Variants in DMD observed in about 807,000 individuals in gnomAD.
DMD encodes mutant dystrophin.
A neutral mutation model predicts 330.1 loss-of-function variants in DMD; 63 were observed. That is an observed-to-expected ratio of 0.19 (90% CI 0.16 to 0.24). The LOEUF is 0.24. Among genes scored for constraint, DMD ranks in the 10% least tolerant of loss-of-function variants. The pLI, the probability that DMD is intolerant of heterozygous loss-of-function variation, is 1.00. For missense variants in DMD, 3,344 were observed against 2,684.1 expected, an observed-to-expected ratio of 1.25 and a Z score of -5.43; for synonymous variants, 1,223 against 959.8, an observed-to-expected ratio of 1.27 and a Z score of -5.07.
intron 1 of DMD, among the ~76,000 whole-genome samples, chrX:33,022,939 C>T (rs2093940523): frequency 9.0e-6 from 1 of 111,520 alleles, no homozygotes; most frequent in Non-Finnish European, 1.9e-5. Flanking sequence ...TGAATAGCGT[C>T]CTGGAATTTG....
chrX:32,149,405 A>G (rs758092892), intron 44 of DMD, among the ~76,000 whole-genome samples: 4 of 112,257 alleles, frequency 3.6e-5, no homozygotes, highest in South Asian at 7.4e-4. Flanking sequence ...CACTTGGCAT[A>G]TATCATTTCA....
At chrX:32,779,498 C>T (rs1173542960) in intron 7 of DMD, among the ~76,000 whole-genome samples, 2 of 109,966 alleles carry the variant, frequency 1.8e-5, no homozygotes, top group African/African-American at 6.7e-5. Context: ...TCTTTTGAAA[C>T]TAAATTATTT....
intron 67 of DMD, among the ~76,000 whole-genome samples, chrX:31,183,470 A>C (rs970183102): frequency 6.3e-5 from 7 of 110,948 alleles, no homozygotes; most frequent in African/African-American, 2.3e-4. Flanking sequence ...ATAGAATCCA[A>C]ACCTCCTGGC....
intron 54 of DMD, among the ~76,000 whole-genome samples, chrX:31,628,551 C>T (rs2078972086): frequency 1.8e-5 from 2 of 111,430 alleles, no homozygotes; most frequent in South Asian, 7.4e-4. Context: ...TATTTAACTA[C>T]TTGATCATAC....
chrX:31,623,325 G>A (rs1299125380), intron 55 of DMD, among the ~76,000 whole-genome samples: 2 of 110,876 alleles, frequency 1.8e-5, no homozygotes, highest in African/African-American at 3.3e-5. Context: ...GTGCAGTGGC[G>A]CCATCTCGGC....
chrX:31,554,335 G>A (rs756036430), intron 55 of DMD, among the ~76,000 whole-genome samples: 1 of 111,695 alleles, frequency 9.0e-6, no homozygotes, highest in East Asian at 2.8e-4. Flanking sequence ...TACAGCTGGG[G>A]CATTTTTTTA....
chrX:31,230,098 T>C (rs2047047257), intron 63 of DMD, among the ~76,000 whole-genome samples: 1 of 112,097 alleles, frequency 8.9e-6, no homozygotes, highest in African/African-American at 3.2e-5. Flanking sequence ...TAACACATCA[T>C]ACTTGGTCTA....
rs190612654 is a variant in DMD at position 31,491,432 on chromosome X, C to T, written c.8547+5356G>A. On this transcript the variant is annotated intron_variant, in intron 57 of 78. Coordinates refer to ENST00000357033, the MANE Select transcript of DMD (RefSeq NM_004006.3). ...AATATATCTGGACCAGAATAACACC[C>T]ACTAATTGAAAACGAGTCAGTCTAG... Among the ~76,000 whole-genome samples the T allele has an allele frequency of 7.7e-4, 86 of 112,108 alleles. 1 individual carries two copies. The highest frequency in any genetic ancestry group is 1.5e-4 in the Non-Finnish European group (8 of 53,217).
chrX:32,280,266 G>T (rs1486073954), intron 43 of DMD, among the ~76,000 whole-genome samples: 1 of 105,906 alleles, frequency 9.4e-6, no homozygotes, highest in Non-Finnish European at 1.9e-5. Flanking sequence ...ATAGAAATTT[G>T]TACTTCTCTG....
At chrX:31,463,507 T>C (rs912925058) in intron 59 of DMD, among the ~76,000 whole-genome samples, 6 of 112,160 alleles carry the variant, frequency 5.3e-5, no homozygotes, top group Admixed American at 9.5e-5. Flanking sequence ...TTGTCAAGCA[T>C]GACAGGAAGA....
intron 52 of DMD, among the ~76,000 whole-genome samples, chrX:31,686,525 T>G (rs917648357): frequency 8.9e-5 from 10 of 112,451 alleles, no homozygotes; most frequent in Non-Finnish European, 1.5e-4. Flanking sequence ...TGCCTTTGTA[T>G]CAACCACATT....
At position 32,033,670 on chromosome X, in the gene DMD, AAGG is replaced by A. The variant is rs200482165; in HGVS notation, c.6439-65159_6439-65157del. Among the ~76,000 whole-genome samples the A allele has an allele frequency of 8.5e-3, 824 of 96,554 alleles. 20 individuals are homozygous for A. Among genetic ancestry groups the A allele is most frequent in the East Asian group, 0.03 (89 of 2,995 alleles). The allele number at this position is 96,554 out of a possible 115,157, so 83.8% of individuals were successfully genotyped here. On this transcript the variant is annotated intron_variant, in intron 44 of 78. Transcript: ENST00000357033. ...GAAAGAAAGAAGAAAGAAAGAAAGA[AAGG>A]AAGGAAAGAAAGAAAGAGAAAGAAA... is the stretch of plus-strand genomic sequence containing the variant.
intron 48 of DMD, among the ~76,000 whole-genome samples, chrX:31,853,233 A>G (rs762039869): frequency 8.8e-6 from 1 of 113,014 alleles, no homozygotes; most frequent in South Asian, 3.6e-4. Flanking sequence ...TTTCTATAAA[A>G]CACCATATAG....
intron 7 of DMD, among the ~76,000 whole-genome samples, chrX:32,741,844 A>G (rs2069318045): frequency 8.9e-6 from 1 of 112,051 alleles, no homozygotes; most frequent in Non-Finnish European, 1.9e-5. Context: ...TTCCATTTTA[A>G]ACATGACTAG....
intron 28 of DMD, among the ~76,000 whole-genome samples, chrX:32,440,939 C>A (rs2098279473): frequency 9.0e-6 from 1 of 111,027 alleles, no homozygotes; most frequent in African/African-American, 3.3e-5. Context: ...CTATGTAGAA[C>A]TTAGTGATAT....
intron 34 of DMD, among the ~76,000 whole-genome samples, chrX:32,373,450 GTC>G (rs1294029528): frequency 9.0e-6 from 1 of 110,993 alleles, no homozygotes; most frequent in East Asian, 2.8e-4. Flanking sequence ...GAGCCATGCA[GTC>G]TCTGTCACAA....
chrX:31,674,821 C>T (rs2081988986), intron 53 of DMD, among the ~76,000 whole-genome samples: 1 of 112,586 alleles, frequency 8.9e-6, no homozygotes, highest in Non-Finnish European at 1.9e-5. Context: ...ATGAACTCAA[C>T]CAAGAATCCG....
intron 2 of DMD, among the ~76,000 whole-genome samples, chrX:32,903,054 G>C (rs907158233): frequency 9.8e-6 from 1 of 102,309 alleles, no homozygotes. Context: ...CTACTCAGGA[G>C]GCTGAGGCAA....
chrX:32,928,473 A>C (rs765169468), intron 2 of DMD, among the ~76,000 whole-genome samples: 3 of 111,490 alleles, frequency 2.7e-5, no homozygotes, highest in Non-Finnish European at 3.8e-5. Flanking sequence ...GTGGATACGT[A>C]GGTATGTGTG....
Sources: gnomAD v4.1 joint callset for allele counts (sites outside exome capture counted in the v4.1 genomes callset) on GRCh38, gnomAD v4.1.1 for gene constraint, MANE v1.5 for transcripts, NCBI Gene and HGNC (gene_info 2026-07-23, HGNC 2026-07-21) for gene names.